Variants in TOPORS observed in about 807,000 individuals in gnomAD.
TOPORS encodes E3 ubiquitin-protein ligase Topors.
In TOPORS, 25 loss-of-function variants were observed where a neutral mutation model predicts 81.4. That is an observed-to-expected ratio of 0.31 (90% CI 0.22 to 0.43). The LOEUF (loss-of-function observed/expected upper bound fraction) is 0.43, where lower values mean the gene tolerates loss of function less well. TOPORS is among the 20% of genes least tolerant of loss of function. The pLI is 1.00. For synonymous variants in TOPORS, 473 were observed against 456.6 expected, an observed-to-expected ratio of 1.04 and a Z score of -0.46; for missense variants, 1,101 against 1,267.0, an observed-to-expected ratio of 0.87 and a Z score of 1.99.
At chr9:32,551,210 C>A in intron 1 of TOPORS, 1 of 602,630 alleles carries the variant, frequency 1.7e-6, no homozygotes, top group Middle Eastern at 4.4e-4. Flanking sequence ...TACTCAGCCA[C>A]TGGGGACACT....
At position 32,542,450 on chromosome 9, in the gene TOPORS, A is replaced by T; in HGVS notation, c.2075T>A (p.Leu692Ter). The change falls in exon 3 of 3, where the codon TTA (leucine) becomes TAA (stop). Residue 692 changes from leucine (L) to a stop codon, truncating the protein, a stop_gained. Transcript: ENST00000360538. LOFTEE classifies it high-confidence loss of function. ...SRSRNRDRYY[L>*]RNNYGSRYKW... ...GTATCTGCTTCCATAATTATTTCTT[A>T]AATAATAACGATCTCTATTTCTGCT... The T allele has an allele frequency of 6.2e-7, 1 of 1,613,514 alleles. No homozygotes were observed. Among genetic ancestry groups the T allele is most frequent in the Non-Finnish European group, 8.5e-7 (1 of 1,179,986 alleles).
intron 1 of TOPORS, 124 bp downstream of exon 1, chr9:32,552,310 C>A (rs1301029914): frequency 1.4e-6 from 2 of 1,390,252 alleles, no homozygotes; most frequent in Non-Finnish European, 2.0e-6. Context: ...CTGCACGAAG[C>A]GAGTGGGCGG....
chr9:32,550,748 G>C (rs762142639), intron 2 of TOPORS, 26 bp downstream of exon 2: 1 of 1,612,084 alleles, frequency 6.2e-7, no homozygotes, highest in Non-Finnish European at 8.5e-7. Flanking sequence ...CGACCCCCGC[G>C]TCCCATTGTT....
chr9:32,548,534 AAC>A (rs141782813), intron 2 of TOPORS, among the ~76,000 whole-genome samples: 1 of 150,738 alleles, frequency 6.6e-6, no homozygotes, highest in Non-Finnish European at 1.5e-5. Context: ...CTCACACACA[AAC>A]ACACACACAC....
At chr9:32,551,742 G>A (rs1821267826) in intron 1 of TOPORS, 3 of 429,582 alleles carry the variant, frequency 7.0e-6, no homozygotes, top group Non-Finnish European at 1.4e-5. Context: ...TATCTCACGC[G>A]CGGCAGTTCA....
chr9:32,551,123 C>T lies in TOPORS; in HGVS notation c.4-155G>A, dbSNP rs1017079646. ...GCCTCGGGGGCGGGGCTCAGCGCAC[C>T]GGCCCAAATGCGGCCCCTCCCCCGC... On this transcript the variant is annotated intron_variant, in intron 1 of 2. Coordinates refer to ENST00000360538, the MANE Select transcript of TOPORS (RefSeq NM_005802.5). 73 of 948,426 alleles carry T rather than the reference C, an allele frequency of 7.7e-5. No homozygotes were observed. In the African/African-American group the frequency reaches 9.4e-4, roughly 12 times the overall value. 58.8% of individuals were successfully genotyped at this position (948,426 alleles called of 1,614,324 possible). A position where few individuals can be genotyped will look rare whatever the true frequency, so the allele number is the denominator to read the frequency against.
At position 32,544,039 on chromosome 9, in the gene TOPORS, G is replaced by C; in HGVS notation, c.486C>G (p.Val162=). Residue 162 remains valine, a synonymous_variant, in exon 3 of 3, where the codon GTC becomes GTG. Coordinates refer to ENST00000360538, the MANE Select transcript of TOPORS (RefSeq NM_005802.5). Reference sequence around the variant, plus strand: ...AAGAACCATTATACGAAGGCCTTAGGACATACTCCTTGAAGTCATCTTCTG... The same window carrying C: ...AAGAACCATTATACGAAGGCCTTAGCACATACTCCTTGAAGTCATCTTCTG... ...VRAEDDFKEY[V]LRPSYNGSFV... is the part of the protein sequence containing the mutation. 6.2e-7 allele frequency: 1 copy of C among 1,614,142 alleles called. No homozygotes were observed. Among genetic ancestry groups the C allele is most frequent in the Non-Finnish European group, 8.5e-7 (1 of 1,180,018 alleles).
intron 1 of TOPORS, among the ~76,000 whole-genome samples, chr9:32,552,071 T>A (rs1821283109): frequency 6.7e-6 from 1 of 149,736 alleles, no homozygotes; most frequent in African/African-American, 2.5e-5. Context: ...GGATTGTTTT[T>A]CAAATTAACT....
rs1821054893 is a variant in TOPORS, at chr9:32,541,415, C to T, written c.3110G>A (p.Cys1037Tyr). The T allele has an allele frequency of 6.2e-7, 1 of 1,614,070 alleles. No individual in the cohort carries two copies. Among genetic ancestry groups the T allele is most frequent in the African/African-American group, 1.3e-5 (1 of 74,930 alleles). ...AGACATATCACAGTCTCTACCAAGA[C>T]ATACTGACATTAATGATGTCCGTGG... ...PSPRTSLMSV[C>Y]LGRDCDMS The change falls in exon 3 of 3, where the codon TGT (cysteine) becomes TAT (tyrosine). Residue 1037 changes from cysteine (C) to tyrosine (Y), a missense_variant. Transcript: ENST00000360538.
In TOPORS at chr9:32,540,790, CTGTTT is replaced by C. The variant is rs1016975481; in HGVS notation, c.*592_*596del. On this transcript the variant is annotated 3_prime_UTR_variant, in exon 3 of 3. Coordinates refer to ENST00000360538, the MANE Select transcript of TOPORS (RefSeq NM_005802.5). ...GTCTGATTCTTGTTTTAAAGTGTTA[CTGTTT>C]TATTTTTTTTCTTTTGTTGAATACA... is the stretch of plus-strand genomic sequence containing the variant. The C allele has an allele frequency of 6.6e-6, 1 of 152,488 alleles. No homozygotes were observed. The highest frequency in any genetic ancestry group is 2.4e-5 in the African/African-American group (1 of 41,498). 9.4% of individuals were successfully genotyped at this position (152,488 alleles called of 1,614,324 possible). A position where few individuals can be genotyped will look rare whatever the true frequency, so the allele number is the denominator to read the frequency against.
At position 32,550,874 on chromosome 9, in the gene TOPORS, C is replaced by T. The variant is rs775002928; in HGVS notation, c.98G>A (p.Arg33Gln). The T allele has an allele frequency of 5.0e-6, 8 of 1,612,948 alleles. No homozygotes were observed. Among genetic ancestry groups the T allele is most frequent in the African/African-American group, 1.3e-5 (1 of 74,922 alleles). Residue 33 changes from arginine (R) to glutamine (Q), a missense_variant, in exon 2 of 3, where the codon CGG (arginine) becomes CAG (glutamine). By Grantham distance (43) the Arg-to-Gln change is conservative (BLOSUM62 1). This residue lies in a region of TOPORS where 131 missense variants were observed against 101.0 expected (regional missense o/e 1.30). Transcript: ENST00000360538. ...PASEGRRRSR[R>Q]VRLRGSCRHR... ...TCGGCAGGATCCGCGAAGGCGTACCCGGCGACTTCTCCGCCTACCCTCCGA... is the reference window on the plus strand; with the variant it reads ...TCGGCAGGATCCGCGAAGGCGTACCTGGCGACTTCTCCGCCTACCCTCCGA...
rs777634455 is a variant in TOPORS at position 32,543,137 on chromosome 9, G to A, written c.1388C>T (p.Thr463Ile). The A allele has an allele frequency of 1.2e-5, 20 of 1,613,930 alleles. No homozygotes were observed. Among genetic ancestry groups the A allele is most frequent in the Non-Finnish European group, 1.7e-5 (20 of 1,180,024 alleles). ...ACTGTCATTATTTAGGTCGTCATTG[G>A]TTTGTACTCCTTGTATCTGAGACGT... ...GATSQIQGVQ[T>I]NDDLNNDSDD... The change falls in exon 3 of 3, where the codon ACC becomes ATC. Residue 463 changes from threonine (T) to isoleucine (I), a missense_variant. Physicochemically the swap from Thr to Ile is moderately conservative, Grantham distance 89. This residue lies in a region of TOPORS where 103 missense variants were observed against 112.1 expected (regional missense o/e 0.92). Coordinates refer to ENST00000360538, the MANE Select transcript of TOPORS (RefSeq NM_005802.5). This position sits in a 1 kb window ranked among gnomAD's most constrained non-coding sequence, Gnocchi z 5.6.
chr9:32,548,073 A>G (rs1362969381), intron 2 of TOPORS, among the ~76,000 whole-genome samples: 1 of 137,334 alleles, frequency 7.3e-6, no homozygotes, highest in Non-Finnish European at 1.5e-5. Flanking sequence ...GATGGTCTCG[A>G]TCTCCTGACC....
At chr9:32,544,679 A>G (rs1375148211) in intron 2 of TOPORS, among the ~76,000 whole-genome samples, 1 of 152,202 alleles carries the variant, frequency 6.6e-6, no homozygotes, top group Admixed American at 6.5e-5. Context: ...CCTGCTACAT[A>G]GTAAAGCTCT....
chr9:32,550,907 G>A lies in TOPORS; in HGVS notation c.65C>T (p.Ala22Val). ...TCTCCGCCTACCCTCCGAAGCGGGAGCAGGCGGGGGCGCTTCACCCTCCTC... is the reference window on the plus strand; with the variant it reads ...TCTCCGCCTACCCTCCGAAGCGGGAACAGGCGGGGGCGCTTCACCCTCCTC... ...SREEGEAPPP[A>V]PASEGRRRSR... The change falls in exon 2 of 3, where the codon GCT becomes GTT. Residue 22 changes from alanine to valine, a missense_variant. Around this residue, in one of 9 missense-constraint regions of TOPORS, gnomAD observed 131 missense variants for 101.0 expected, o/e 1.30. Transcript: ENST00000360538. 1 of 1,612,874 alleles carries A rather than the reference G, an allele frequency of 6.2e-7. No individual in the cohort carries two copies. Among genetic ancestry groups the A allele is most frequent in the Non-Finnish European group, 8.5e-7 (1 of 1,179,814 alleles).
Position 32,544,380 on chromosome 9 carries a change from T to C in TOPORS, c.199-54A>G, listed in dbSNP as rs950541481. The C allele has an allele frequency of 1.0e-5, 16 of 1,549,070 alleles. No homozygotes were observed. In the African/African-American group the frequency reaches 1.2e-4, roughly 12 times the overall value. ...ACCTGATAATAGAGGAATGACTAAA[T>C]AGTCTCAACAAAAATGCAAATAAAG... On this transcript the variant is annotated intron_variant, in intron 2 of 2. Coordinates refer to ENST00000360538, the MANE Select transcript of TOPORS (RefSeq NM_005802.5).
At position 32,543,894 on chromosome 9, in the gene TOPORS, C is replaced by T. The variant is rs1309101346; in HGVS notation, c.631G>A (p.Val211Ile). 5 of 1,614,082 alleles carry T rather than the reference C, an allele frequency of 3.1e-6. No homozygotes were observed. In the African/African-American group the frequency reaches 5.3e-5, roughly 17 times the overall value. Residue 211 changes from valine to isoleucine, a missense_variant, in exon 3 of 3, where the codon GTA becomes ATA. By Grantham distance (29) the Val-to-Ile change is conservative. Transcript: ENST00000360538. This position sits in a 1 kb window ranked among gnomAD's most constrained non-coding sequence, Gnocchi z 5.6. ...RRTTTPPDSGVLFEGLGISTR... is the reference protein window; with the variant it reads ...RRTTTPPDSGILFEGLGISTR... Reference sequence around the variant, plus strand: ...GAAATGCCTAACCCTTCAAACAGTACTCCACTATCCGGTGGAGTTGTTGTT... The same window carrying T: ...GAAATGCCTAACCCTTCAAACAGTATTCCACTATCCGGTGGAGTTGTTGTT...
At chr9:32,552,333 G>C in intron 1 of TOPORS, 101 bp downstream of exon 1, 2 of 1,526,012 alleles carry the variant, frequency 1.3e-6, no homozygotes, top group Non-Finnish European at 1.8e-6. Flanking sequence ...GCTCGTGCCC[G>C]GCTAAAAGAT....
rs1178245695 is a variant in TOPORS at position 32,541,387 on chromosome 9, T to C, written c.3138A>G (p.Ter1046=). The C allele has an allele frequency of 1.2e-6, 2 of 1,614,180 alleles. No individual in the cohort carries two copies. Among genetic ancestry groups the C allele is most frequent in the Admixed American group, 1.7e-5 (1 of 60,030 alleles). The change falls in exon 3 of 3, where the codon TAA becomes TAG. Residue 1046 remains the stop codon, a stop_retained_variant. Coordinates refer to ENST00000360538, the MANE Select transcript of TOPORS (RefSeq NM_005802.5). The stretch of plus-strand genomic sequence containing the variant: ...TTCTCAATGAAATGCTTTGGCAGTT[T>C]TAAGACATATCACAGTCTCTACCAA... ...VCLGRDCDMS[*]
Sources: allele counts gnomAD v4.1 joint callset (sites outside exome capture counted in the v4.1 genomes callset), GRCh38; gene constraint gnomAD v4.1.1; regional missense constraint gnomAD v4.1.1; non-coding constraint Gnocchi (gnomAD v3.1); transcripts MANE v1.5; gene names NCBI Gene and HGNC (gene_info 2026-07-23, HGNC 2026-07-21).